CRACDL: variants seen among roughly 807,000 people sequenced by gnomAD.
The protein encoded by CRACDL is CRACD like, also known as CRACD-like protein.
A neutral mutation model predicts 70.6 loss-of-function variants in CRACDL; 26 were observed. That is an observed-to-expected ratio of 0.37 (90% confidence interval 0.27 to 0.51). The LOEUF (loss-of-function observed/expected upper bound fraction) is 0.51. CRACDL is among the 20% of genes least tolerant of loss of function. CRACDL has a pLI of 0.94. For missense variants in CRACDL, 1,283 were observed against 1,376.9 expected (o/e 0.93, Z 1.08); for synonymous variants, 618 against 615.2 (o/e 1.00, Z -0.07).
At chr2:98,828,669 G>A (rs1289903529) in intron 5 of CRACDL, among the ~76,000 whole-genome samples, 1 of 152,188 alleles carries the variant, frequency 6.6e-6, no homozygotes, top group Non-Finnish European at 1.5e-5. Flanking sequence ...CAATAAAAGT[G>A]TAAGTTTATC....
intron 6 of CRACDL, among the ~76,000 whole-genome samples, chr2:98,824,846 AAG>A (rs1257902051): frequency 6.6e-6 from 1 of 152,228 alleles, no homozygotes; most frequent in Non-Finnish European, 1.5e-5. Context: ...TGGATTTAAA[AAG>A]AGGAAGAGGC....
intron 1 of CRACDL, among the ~76,000 whole-genome samples, chr2:98,850,176 C>T (rs1706424549): frequency 6.6e-6 from 1 of 152,238 alleles, no homozygotes; most frequent in Non-Finnish European, 1.5e-5. Flanking sequence ...CAGCTGACCC[C>T]TGTGCTTCCT....
At chr2:98,868,370 A>G (rs1037947993) in intron 1 of CRACDL, among the ~76,000 whole-genome samples, 15 of 114,570 alleles carry the variant, frequency 1.3e-4, no homozygotes, top group African/African-American at 5.6e-4. Context: ...CTGTACTGAC[A>G]GAGACTGCCC....
At chr2:98,919,961 T>C (rs1435751156) in intron 1 of CRACDL, among the ~76,000 whole-genome samples, 1 of 152,166 alleles carries the variant, frequency 6.6e-6, no homozygotes, top group Non-Finnish European at 1.5e-5. Context: ...TCTCTGTTGC[T>C]CAGGTTCGTC....
intron 2 of CRACDL, among the ~76,000 whole-genome samples, chr2:98,840,283 G>A (rs1041009629): frequency 3.9e-5 from 6 of 152,104 alleles, no homozygotes; most frequent in African/African-American, 9.6e-5. Flanking sequence ...AGGAAAGTAC[G>A]TCTTCTTCAT....
At position 98,822,161 on chromosome 2, in the gene CRACDL, C is replaced by A; in HGVS notation, c.2112G>T (p.Lys704Asn). The change falls in exon 7 of 10, where the codon AAG becomes AAT. Residue 704 changes from lysine to asparagine, a missense_variant. By Grantham distance (94) the Lys-to-Asn change is moderately conservative. This residue lies in a region of CRACDL where 921 missense variants were observed against 881.9 expected (regional missense o/e 1.04). Coordinates refer to ENST00000397899, the MANE Select transcript of CRACDL (RefSeq NM_207362.3). The surrounding 1 kb of genome is among the most constrained non-coding windows in gnomAD (Gnocchi z 4.9). ...CCTCGGCACTGTACCTCTTCACACC[C>A]TTCACCTCCTGAGAGGCGCCATCCC... ...KYRDGASQEV[K>N]GVKRYSAEVR... is the part of the protein sequence containing the mutation. 1 of 1,608,266 alleles carries A rather than the reference C, an allele frequency of 6.2e-7. No homozygotes were observed.
chr2:98,905,954 G>T (rs185042762), intron 1 of CRACDL, among the ~76,000 whole-genome samples: 109 of 152,168 alleles, frequency 7.2e-4, no homozygotes, highest in African/African-American at 2.4e-3. Flanking sequence ...CCTGCTAGGG[G>T]TTCCCTGAAA....
chr2:98,879,411 T>C (rs747797892), intron 1 of CRACDL, among the ~76,000 whole-genome samples: 2 of 152,246 alleles, frequency 1.3e-5, no homozygotes, highest in Admixed American at 6.5e-5. Context: ...GTTGGCCTGG[T>C]TCGACATCAA....
At chr2:98,816,322 A>AACAGC (rs1274138093) in intron 7 of CRACDL, among the ~76,000 whole-genome samples, 19 of 152,180 alleles carry the variant, frequency 1.2e-4, no homozygotes, top group Admixed American at 3.9e-4. Flanking sequence ...TCTTGGTCAG[A>AACAGC]ACAGCAAGTC....
intron 1 of CRACDL, among the ~76,000 whole-genome samples, chr2:98,899,233 G>A (rs1214017186): frequency 6.6e-6 from 1 of 152,208 alleles, no homozygotes; most frequent in Non-Finnish European, 1.5e-5. Flanking sequence ...CTGCCAGCCT[G>A]CGGGCCGCTG....
At chr2:98,837,903 C>T (rs1705865547) in intron 3 of CRACDL, among the ~76,000 whole-genome samples, 1 of 152,156 alleles carries the variant, frequency 6.6e-6, no homozygotes, top group Admixed American at 6.5e-5. Context: ...TATAAAATGG[C>T]ATATAGTACC....
At chr2:98,844,110 C>T (rs955158074) in intron 2 of CRACDL, among the ~76,000 whole-genome samples, 1 of 152,188 alleles carries the variant, frequency 6.6e-6, no homozygotes, top group African/African-American at 2.4e-5. Context: ...AACTGTATGT[C>T]TGTCTTCCAT....
At position 98,850,797 on chromosome 2, in the gene CRACDL, T is replaced by C. The variant is rs963255950; in HGVS notation, c.-10-3987A>G. ...GAGTCCTGCATCTAAAAAGACCCCT[T>C]AATGTGGGGGCCGCCCCACTCCCTC... On this transcript the variant is annotated intron_variant, in intron 1 of 9. Coordinates refer to ENST00000397899, the MANE Select transcript of CRACDL (RefSeq NM_207362.3). 5.9e-5 allele frequency among the ~76,000 whole-genome samples: 9 copies of C among 152,138 alleles called. 1 individual carries two copies. The highest frequency in any genetic ancestry group is 4.6e-4 in the Admixed American group (7 of 15,280).
intron 1 of CRACDL, among the ~76,000 whole-genome samples, chr2:98,864,883 G>A (rs1280655822): frequency 1.3e-5 from 2 of 152,166 alleles, no homozygotes; most frequent in East Asian, 3.9e-4. Context: ...TTTATGATAT[G>A]TAACTAATAT....
chr2:98,799,470 T>C (rs944049705), intron 7 of CRACDL, among the ~76,000 whole-genome samples: 6 of 152,126 alleles, frequency 3.9e-5, no homozygotes, highest in Admixed American at 3.9e-4. Flanking sequence ...TTTTTCTGGC[T>C]GCTCCCTGGG....
intron 1 of CRACDL, among the ~76,000 whole-genome samples, chr2:98,882,747 C>G (rs1707688684): frequency 6.6e-6 from 1 of 151,968 alleles, no homozygotes; most frequent in African/African-American, 2.4e-5. Context: ...CATTTGAACC[C>G]CCCGATTCCA....
chr2:98,883,457 C>A (rs1707711233), intron 1 of CRACDL, among the ~76,000 whole-genome samples: 1 of 152,228 alleles, frequency 6.6e-6, no homozygotes, highest in Admixed American at 6.5e-5. Context: ...GCCCTAGGGG[C>A]TCAAAGCATA....
intron 1 of CRACDL, among the ~76,000 whole-genome samples, chr2:98,918,166 T>C (rs1048548895): frequency 1.3e-5 from 2 of 152,142 alleles, no homozygotes; most frequent in African/African-American, 4.8e-5. Flanking sequence ...TGGATGGTAG[T>C]TCTATTTTCA....
chr2:98,823,300 C>G lies in CRACDL; in HGVS notation c.973G>C (p.Gly325Arg), dbSNP rs747217856. The change falls in exon 7 of 10, where the codon GGG becomes CGG. Residue 325 changes from glycine to arginine, a missense_variant. Gly to Arg is a moderately radical substitution (Grantham distance 125). Around this residue, in one of 2 missense-constraint regions of CRACDL, gnomAD observed 362 missense variants for 495.0 expected, o/e 0.73. Transcript: ENST00000397899. The surrounding 1 kb of genome is among the most constrained non-coding windows in gnomAD (Gnocchi z 4.0). ...GAGGGGTCCTCCCCGGGGACGCCCC[C>G]CTCCTCCACGCTGGCCGTGAGCGCG... ...SSALTASVEE[G>R]GVPGEDPSSR... 4 of 1,426,968 alleles carry G rather than the reference C, an allele frequency of 2.8e-6. No homozygotes were observed. The South Asian group carries it at 4.5e-5, about 16-fold the overall frequency. The allele number at this position is 1,426,968 out of a possible 1,614,324, so 88.4% of individuals were successfully genotyped here.
Sources: allele counts gnomAD v4.1 joint callset (sites outside exome capture counted in the v4.1 genomes callset), GRCh38; gene constraint gnomAD v4.1.1; regional missense constraint gnomAD v4.1.1; non-coding constraint Gnocchi (gnomAD v3.1); transcripts MANE v1.5; gene names NCBI Gene and HGNC (gene_info 2026-07-23, HGNC 2026-07-21).